The following RAB6A variants were observed in gnomAD, a reference collection of about 807,000 sequenced individuals.
The protein encoded by RAB6A is RAB6A, member RAS oncogene family, also known as ras-related protein Rab-6A.
A neutral mutation model predicts 32.3 loss-of-function variants in RAB6A; 8 were observed. The observed-to-expected ratio is 0.25, with a 90% CI of 0.15 to 0.45. The LOEUF (loss-of-function observed/expected upper bound fraction) is 0.45, where lower values mean the gene tolerates loss of function less well. Ranked by LOEUF, RAB6A falls within the 20% of genes least tolerant of loss-of-function variation. The probability of loss-of-function intolerance (pLI) is 1.00; values close to 1 mark genes in which losing one functional copy is unlikely to be tolerated. For missense variants in RAB6A, 104 were observed against 249.4 expected (o/e 0.42, Z 3.93); for synonymous variants, 73 against 82.1 (o/e 0.89, Z 0.60).
chr11:73,687,647 G>A (rs1218926584), intron 6 of RAB6A, among the ~76,000 whole-genome samples: 1 of 152,212 alleles, frequency 6.6e-6, no homozygotes, highest in Non-Finnish European at 1.5e-5. Context: ...CCTGAGGTTA[G>A]GAGTTCCAGG....
chr11:73,685,688 G>A (rs1945440495), intron 6 of RAB6A, among the ~76,000 whole-genome samples: 1 of 145,950 alleles, frequency 6.9e-6, no homozygotes, highest in Non-Finnish European at 1.5e-5. Flanking sequence ...AGACCAGCCG[G>A]GCCAACATGG....
chr11:73,719,418 T>A (rs552692479), intron 3 of RAB6A, among the ~76,000 whole-genome samples: 2 of 152,358 alleles, frequency 1.3e-5, no homozygotes, highest in African/African-American at 4.8e-5. Context: ...TCCCATACAT[T>A]TTCCCCAGAA....
In RAB6A at chr11:73,677,674, T is replaced by C; in HGVS notation, c.*224A>G. On this transcript the variant is annotated 3_prime_UTR_variant, in exon 8 of 8. Coordinates refer to ENST00000336083, the MANE Select transcript of RAB6A (RefSeq NM_198896.2). ...TTTTAAAGTTATCACTGGAATATGC[T>C]GAAATATTTTGGCTTTTTGTAAAAT... 1 of 1,195,192 alleles carries C rather than the reference T, an allele frequency of 8.4e-7. No individual in the cohort carries two copies. The allele number at this position is 1,195,192 out of a possible 1,614,324, so 74.0% of individuals were successfully genotyped here.
chr11:73,750,692 G>A (rs1029352909), intron 1 of RAB6A, among the ~76,000 whole-genome samples: 7 of 152,098 alleles, frequency 4.6e-5, no homozygotes, highest in Non-Finnish European at 8.8e-5. Context: ...ATATTCCATT[G>A]TATGCATGTG....
intron 5 of RAB6A, among the ~76,000 whole-genome samples, chr11:73,712,552 G>A (rs1187239512): frequency 6.6e-6 from 1 of 151,558 alleles, no homozygotes; most frequent in Non-Finnish European, 1.5e-5. Flanking sequence ...GGTTTCACTA[G>A]GTTGGCCAGG....
chr11:73,736,260 C>T (rs1426228973), intron 1 of RAB6A, among the ~76,000 whole-genome samples: 4 of 151,496 alleles, frequency 2.6e-5, no homozygotes, highest in Non-Finnish European at 4.4e-5. Context: ...GAAACCCCAT[C>T]TCTACTAAAA....
intron 6 of RAB6A, among the ~76,000 whole-genome samples, chr11:73,706,521 A>T (rs1201177649): frequency 6.6e-6 from 1 of 152,022 alleles, no homozygotes; most frequent in East Asian, 1.9e-4. Flanking sequence ...CTCAAAAAAA[A>T]AAAAAAATTA....
intron 1 of RAB6A, among the ~76,000 whole-genome samples, chr11:73,747,862 G>C (rs569172730): frequency 3.5e-4 from 53 of 152,330 alleles, no homozygotes; most frequent in African/African-American, 1.2e-3. Flanking sequence ...CCACAGAACT[G>C]ATGTGCCTTT....
intron 5 of RAB6A, among the ~76,000 whole-genome samples, chr11:73,714,263 G>A (rs1193443261): frequency 1.4e-5 from 2 of 145,270 alleles, no homozygotes; most frequent in Non-Finnish European, 3.0e-5. Flanking sequence ...TCTACCATTT[G>A]TGCACACAAC....
At position 73,716,238 on chromosome 11, in the gene RAB6A, A is replaced by C. The variant is rs189168325; in HGVS notation, c.401+13T>G. ...GAAATCAAACATTACACACATATAA[A>C]ATAACTCCATACCTCTTGTCAGCAA... On this transcript the variant is annotated intron_variant, in intron 5 of 7. Coordinates refer to ENST00000336083, the MANE Select transcript of RAB6A (RefSeq NM_198896.2). 1.6e-4 allele frequency: 244 copies of C among 1,563,274 alleles called. No homozygotes were observed. In the African/African-American group the frequency reaches 3.0e-3, roughly 20 times the overall value.
At chr11:73,684,274 T>C (rs1349404505) in intron 6 of RAB6A, among the ~76,000 whole-genome samples, 1 of 151,458 alleles carries the variant, frequency 6.6e-6, no homozygotes, top group Non-Finnish European at 1.5e-5. Flanking sequence ...GTTCAAGCGA[T>C]TCTCCTGCCT....
rs1290622577 is a variant in RAB6A at position 73,760,515 on chromosome 11, G to A, written c.70+51C>T. ...GGACGGAAGGGCCGCACCGGGGGCGGTGCGGGGACGCTGCGGCCAGCTGCC... is the reference window on the plus strand; with the variant it reads ...GGACGGAAGGGCCGCACCGGGGGCGATGCGGGGACGCTGCGGCCAGCTGCC... On this transcript the variant is annotated intron_variant, in intron 1 of 7. Coordinates refer to ENST00000336083, the MANE Select transcript of RAB6A (RefSeq NM_198896.2). The A allele has an allele frequency of 1.9e-6, 3 of 1,554,730 alleles. No individual in the cohort carries two copies. The South Asian group carries it at 3.5e-5, about 18-fold the overall frequency.
intron 6 of RAB6A, among the ~76,000 whole-genome samples, chr11:73,701,219 A>C (rs915554835): frequency 3.3e-5 from 5 of 152,208 alleles, no homozygotes; most frequent in African/African-American, 1.2e-4. Flanking sequence ...ATACAGAAAG[A>C]CTTCTGTGTA....
intron 2 of RAB6A, chr11:73,722,305 G>GTGTGTATGTATATATATATATATA (rs1238666420): frequency 7.1e-5 from 3 of 42,366 alleles, no homozygotes; most frequent in African/African-American, 3.0e-4. Flanking sequence ...ATGTGTGTGT[G>GTGTGTATGTATATATATATATATA]TATATATATA....
At chr11:73,754,890 A>T (rs1299209333) in intron 1 of RAB6A, among the ~76,000 whole-genome samples, 1 of 152,096 alleles carries the variant, frequency 6.6e-6, no homozygotes, top group East Asian at 1.9e-4. Flanking sequence ...CAGTCAAAAA[A>T]AAAAAGGGTA....
Position 73,689,181 on chromosome 11 carries a change from C to A in RAB6A, c.496-9461G>T, listed in dbSNP as rs1159058740. ...ACCTATGAGACTTCATTTACATCAG[C>A]GATCCCCAACCTTTTTGGCACCAGG... is the stretch of plus-strand genomic sequence containing the variant. On this transcript the variant is annotated intron_variant, in intron 6 of 7. Coordinates refer to ENST00000336083, the MANE Select transcript of RAB6A (RefSeq NM_198896.2). Among the ~76,000 whole-genome samples, 5 of 152,102 alleles carry A rather than the reference C, an allele frequency of 3.3e-5. No homozygotes were observed. In the South Asian group the frequency reaches 1.0e-3, roughly 31 times the overall value.
At chr11:73,699,753 A>G (rs1229607584) in intron 6 of RAB6A, among the ~76,000 whole-genome samples, 1 of 152,200 alleles carries the variant, frequency 6.6e-6, no homozygotes, top group Non-Finnish European at 1.5e-5. Context: ...AAGTACCTAC[A>G]GTGGTCTAGC....
At chr11:73,696,583 A>G (rs920873566) in intron 6 of RAB6A, among the ~76,000 whole-genome samples, 1 of 152,006 alleles carries the variant, frequency 6.6e-6, no homozygotes, top group African/African-American at 2.4e-5. Context: ...TAGTTTTTCA[A>G]TTACTCTTAA....
At chr11:73,695,789 G>C (rs947394230) in intron 6 of RAB6A, among the ~76,000 whole-genome samples, 1 of 152,168 alleles carries the variant, frequency 6.6e-6, no homozygotes, top group Non-Finnish European at 1.5e-5. Context: ...TATTTTATTT[G>C]TAATTTCTAG....
Sources: allele counts gnomAD v4.1 joint callset (sites outside exome capture counted in the v4.1 genomes callset), GRCh38; gene constraint gnomAD v4.1.1; transcripts MANE v1.5; gene names NCBI Gene and HGNC (gene_info 2026-07-23, HGNC 2026-07-21).